The following EPHA6 variants were observed in gnomAD, a reference collection of about 807,000 sequenced individuals.
The protein encoded by EPHA6 is ephrin type-A receptor 6.
Under a neutral mutation model 112.0 loss-of-function variants are expected in EPHA6, and 50 were observed. That is an observed-to-expected ratio of 0.45 (90% CI 0.36 to 0.56). The LOEUF (loss-of-function observed/expected upper bound fraction) is 0.56. EPHA6 is among the 20% of genes least tolerant of loss of function. The pLI is 0.00. For missense variants in EPHA6, 1,280 were observed against 1,417.4 expected, an observed-to-expected ratio of 0.90 and a Z score of 1.56; for synonymous variants, 529 against 490.7, an observed-to-expected ratio of 1.08 and a Z score of -1.03.
chr3:97,701,206 T>C (rs1414351649), intron 14 of EPHA6, among the ~76,000 whole-genome samples: 2 of 152,088 alleles, frequency 1.3e-5, no homozygotes, highest in Non-Finnish European at 2.9e-5. Context: ...ATATGAGAAA[T>C]GGACAGAGAT....
At chr3:97,691,025 A>T (rs1163597859) in intron 14 of EPHA6, among the ~76,000 whole-genome samples, 2 of 152,216 alleles carry the variant, frequency 1.3e-5, no homozygotes, top group East Asian at 3.8e-4. Context: ...TCCAAGGTCA[A>T]GAAAATTAAC....
chr3:97,458,581 A>G (rs544922280), intron 7 of EPHA6, among the ~76,000 whole-genome samples: 12 of 152,288 alleles, frequency 7.9e-5, no homozygotes, highest in African/African-American at 2.9e-4. Flanking sequence ...TATATATAAT[A>G]CATATATTCC....
chr3:97,015,378 T>C (rs2044229878), intron 3 of EPHA6, among the ~76,000 whole-genome samples: 1 of 152,184 alleles, frequency 6.6e-6, no homozygotes, highest in Non-Finnish European at 1.5e-5. Flanking sequence ...CATAGGTGTG[T>C]GTTTTCTTTT....
rs369713665 is a variant in EPHA6 at position 97,642,381 on chromosome 3, G to A, written c.2784+4299G>A. Among the ~76,000 whole-genome samples, 663 of 139,528 alleles carry A rather than the reference G, an allele frequency of 4.8e-3. 1 individual carries two copies. The highest frequency in any genetic ancestry group is 8.2e-3 in the Non-Finnish European group (531 of 64,774). The allele number at this position is 139,528 out of a possible 152,430, so 91.5% of individuals were successfully genotyped here. Reference sequence around the variant, plus strand: ...AACTGGAAACTCTAAAAAGCAGAGCGCCTCTCCTCCTCCAAAGGAACGCAG... The same window carrying A: ...AACTGGAAACTCTAAAAAGCAGAGCACCTCTCCTCCTCCAAAGGAACGCAG... On this transcript the variant is annotated intron_variant, in intron 14 of 17. Coordinates refer to ENST00000389672, the MANE Select transcript of EPHA6 (RefSeq NM_001080448.3).
chr3:97,163,546 T>C (rs1252032455), intron 3 of EPHA6, among the ~76,000 whole-genome samples: 1 of 152,152 alleles, frequency 6.6e-6, no homozygotes, highest in African/African-American at 2.4e-5. Context: ...GACACCTCCT[T>C]AGGAGTCACA....
At chr3:96,994,709 G>GTGTATATATATATATA (rs1363786371) in intron 3 of EPHA6, among the ~76,000 whole-genome samples, 35 of 98,424 alleles carry the variant, frequency 3.6e-4, no homozygotes, top group African/African-American at 1.3e-3. Context: ...GTGTGTGTGT[G>GTGTATATATATATATA]TATATATATA....
At chr3:97,695,009 C>T (rs1445589639) in intron 14 of EPHA6, among the ~76,000 whole-genome samples, 1 of 152,100 alleles carries the variant, frequency 6.6e-6, no homozygotes, top group Non-Finnish European at 1.5e-5. Context: ...GGAAGTCTTG[C>T]TGTAATACAT....
At chr3:97,250,979 C>T (rs898841836) in intron 5 of EPHA6, among the ~76,000 whole-genome samples, 2 of 151,748 alleles carry the variant, frequency 1.3e-5, no homozygotes, top group African/African-American at 2.4e-5. Context: ...CAATTCTCTG[C>T]CTCAGCCTCC....
In EPHA6 at chr3:97,249,083, T is replaced by A. The variant is rs561324946; in HGVS notation, c.1606+4796T>A. 4.6e-5 allele frequency among the ~76,000 whole-genome samples: 7 copies of A among 152,150 alleles called. No individual in the cohort carries two copies. In the East Asian group the frequency reaches 1.4e-3, roughly 29 times the overall value. On this transcript the variant is annotated intron_variant, in intron 5 of 17. Transcript: ENST00000389672. ...AAGTGTGGAAGTTTTAAATACTTAC[T>A]AAATATACATGAAATACAAGCCAGA...
chr3:97,666,788 C>G (rs1347688563), intron 14 of EPHA6, among the ~76,000 whole-genome samples: 1 of 152,140 alleles, frequency 6.6e-6, no homozygotes, highest in Non-Finnish European at 1.5e-5. Flanking sequence ...ATAACAACCC[C>G]CTATGTCTGA....
intron 2 of EPHA6, among the ~76,000 whole-genome samples, chr3:96,962,279 G>A (rs774274088): frequency 6.6e-6 from 1 of 151,910 alleles, no homozygotes; most frequent in Non-Finnish European, 1.5e-5. Context: ...TCAGACCATG[G>A]AGAGCATTGA....
At chr3:97,006,011 C>T (rs1052797045) in intron 3 of EPHA6, among the ~76,000 whole-genome samples, 1 of 152,060 alleles carries the variant, frequency 6.6e-6, no homozygotes, top group South Asian at 2.1e-4. Context: ...CTGCTGGATT[C>T]GGTTTGCCAG....
In EPHA6 at chr3:96,845,875, G is replaced by A. The variant is rs531048456; in HGVS notation, c.386-20950G>A. On this transcript the variant is annotated intron_variant, in intron 1 of 17. Transcript: ENST00000389672. ...GAATGGTTAGCTAATCTTGTCATGA[G>A]TAGTGACGATGTATTAGAACATCTA... Among the ~76,000 whole-genome samples, 30 of 152,084 alleles carry A rather than the reference G, an allele frequency of 2.0e-4. 1 individual carries two copies. The South Asian group carries it at 5.8e-3, about 29-fold the overall frequency.
intron 3 of EPHA6, among the ~76,000 whole-genome samples, chr3:97,142,056 G>A (rs1464198605): frequency 6.6e-6 from 1 of 151,902 alleles, no homozygotes; most frequent in Non-Finnish European, 1.5e-5. Context: ...GTTTTTAGTG[G>A]TGGTATTTCC....
At chr3:97,368,922 A>G (rs1044151555) in intron 5 of EPHA6, among the ~76,000 whole-genome samples, 1 of 152,210 alleles carries the variant, frequency 6.6e-6, no homozygotes, top group African/African-American at 2.4e-5. Context: ...AAGGAAAATA[A>G]CCTGGTTGCT....
At chr3:97,409,832 A>G (rs2087594242) in intron 6 of EPHA6, among the ~76,000 whole-genome samples, 1 of 152,098 alleles carries the variant, frequency 6.6e-6, no homozygotes, top group Non-Finnish European at 1.5e-5. Flanking sequence ...TTTAGATTTT[A>G]AGAAAACTCA....
intron 5 of EPHA6, among the ~76,000 whole-genome samples, chr3:97,249,131 T>G (rs1576766967): frequency 6.6e-6 from 1 of 152,258 alleles, no homozygotes; most frequent in East Asian, 1.9e-4. Context: ...TTTATTTTGT[T>G]TATTAAAACA....
At chr3:97,589,180 C>T (rs982744671) in intron 11 of EPHA6, among the ~76,000 whole-genome samples, 9 of 149,950 alleles carry the variant, frequency 6.0e-5, no homozygotes, top group Non-Finnish European at 7.4e-5. Context: ...TTTTTTAGCT[C>T]ATGATCTCTC....
intron 3 of EPHA6, among the ~76,000 whole-genome samples, chr3:97,138,861 A>G (rs150963311): frequency 1.4e-4 from 21 of 152,302 alleles, no homozygotes; most frequent in African/African-American, 4.1e-4. Context: ...CAAAAGGTGG[A>G]CTGCTTGGGA....
Sources: gnomAD v4.1 joint callset for allele counts (sites outside exome capture counted in the v4.1 genomes callset) on GRCh38, gnomAD v4.1.1 for gene constraint, MANE v1.5 for transcripts, NCBI Gene and HGNC (gene_info 2026-07-23, HGNC 2026-07-21) for gene names.